Variants in CTBP1 observed in about 807,000 individuals in gnomAD.
CTBP1 encodes the protein C-terminal-binding protein 1.
CTBP1 carries 11 observed loss-of-function variants against 42.1 expected under a neutral mutation model. The ratio of observed to expected loss-of-function variants is 0.26; its 90% confidence interval spans 0.16 to 0.43. The LOEUF is 0.43. Among genes scored for constraint, CTBP1 ranks in the 20% least tolerant of loss-of-function variants. The probability of loss-of-function intolerance (pLI) is 1.00; values close to 1 mark genes in which losing one functional copy is unlikely to be tolerated. For synonymous variants in CTBP1, 324 were observed against 277.1 expected (o/e 1.17, Z -1.68); for missense variants, 399 against 624.3 (o/e 0.64, Z 3.85).
chr4:1,241,180 C>T, intron 2 of CTBP1, 145 bp downstream of exon 2: 1 of 749,722 alleles, frequency 1.3e-6, no homozygotes, highest in Non-Finnish European at 2.4e-6. Flanking sequence ...GCCCAGAGCA[C>T]ACCGGGGGTC....
chr4:1,242,105 C>CA (rs896681544), intron 1 of CTBP1: 7 of 985,268 alleles, frequency 7.1e-6, no homozygotes, highest in Non-Finnish European at 1.2e-6. Context: ...TCAATTCTCC[C>CA]AAAAAAACTG....
At chr4:1,229,735 C>T (rs531564527) in intron 3 of CTBP1, among the ~76,000 whole-genome samples, 232 of 152,284 alleles carry the variant, frequency 1.5e-3, no homozygotes, top group African/African-American at 5.2e-3. Flanking sequence ...CCCAGGAAGA[C>T]GCTCACCACC....
At chr4:1,223,845 G>C (rs927525064) in intron 5 of CTBP1, among the ~76,000 whole-genome samples, 4 of 152,204 alleles carry the variant, frequency 2.6e-5, no homozygotes, top group African/African-American at 4.8e-5. Context: ...ACATGCACAC[G>C]CTTGCCGCTC....
At position 1,224,718 on chromosome 4, in the gene CTBP1, G is replaced by T. The variant is rs770568637; in HGVS notation, c.514+642C>A. ...GACCCATGGGTGTGTTGTGATATCTGTGTGAGGCTGTGTGCTGTGACATCT... is the reference window on the plus strand; with the variant it reads ...GACCCATGGGTGTGTTGTGATATCTTTGTGAGGCTGTGTGCTGTGACATCT... On this transcript the variant is annotated intron_variant, in intron 5 of 9. Transcript: ENST00000382952. 1.3e-3 allele frequency among the ~76,000 whole-genome samples: 196 copies of T among 151,372 alleles called. 7 individuals are homozygous for T. The highest frequency in any genetic ancestry group is 4.3e-4 in the Non-Finnish European group (29 of 67,804).
chr4:1,225,740 G>A (rs1017981334), intron 4 of CTBP1, among the ~76,000 whole-genome samples, 174 bp from the exon 5 acceptor site: 4 of 152,152 alleles, frequency 2.6e-5, no homozygotes, highest in African/African-American at 7.2e-5. Context: ...CAGGTCGGGC[G>A]CAACAGAGCA....
At chr4:1,237,474 C>T (rs1243211172) in intron 3 of CTBP1, 6 of 683,506 alleles carry the variant, frequency 8.8e-6, no homozygotes, top group Non-Finnish European at 1.3e-5. Flanking sequence ...CCGGTGTTCA[C>T]CTCCTGATGG....
chr4:1,248,726 C>G (rs1416390914), intron 1 of CTBP1, 190 bp downstream of exon 1: 3 of 981,426 alleles, frequency 3.1e-6, no homozygotes, highest in Admixed American at 1.3e-4. Flanking sequence ...CCCGCGCATG[C>G]GCAAGACCCT....
Position 1,213,050 on chromosome 4 carries a change from G to A in CTBP1, c.989-20C>T. On this transcript the variant is annotated intron_variant, in intron 8 of 9. Transcript: ENST00000382952. The stretch of plus-strand genomic sequence containing the variant: ...TCCGGCCTGGGAGATGCAGGAGGAA[G>A]GAACAGCTGTGGCTCTGAGGGGGCC... 1 of 1,610,162 alleles carries A rather than the reference G, an allele frequency of 6.2e-7. No individual in the cohort carries two copies. The highest frequency in any genetic ancestry group is 8.5e-7 in the Non-Finnish European group (1 of 1,177,196).
At chr4:1,239,023 T>C (rs1175252915) in intron 2 of CTBP1, among the ~76,000 whole-genome samples, 1 of 152,192 alleles carries the variant, frequency 6.6e-6, no homozygotes, top group African/African-American at 2.4e-5. Context: ...TGCCTGGCAT[T>C]ACTTCCAATT....
intron 1 of CTBP1, among the ~76,000 whole-genome samples, chr4:1,248,075 AAG>A (rs966071983): frequency 2.2e-4 from 33 of 152,230 alleles, no homozygotes; most frequent in African/African-American, 7.5e-4. Flanking sequence ...GGTCGAGGGA[AAG>A]AGAGGCTCCG....
intron 5 of CTBP1, chr4:1,223,530 G>T (rs931885143): frequency 2.2e-6 from 1 of 455,382 alleles, no homozygotes; most frequent in Non-Finnish European, 4.4e-6. Context: ...TTTGGGAAGC[G>T]GGGGGCCGGC....
chr4:1,212,818 T>G (rs947481530), intron 9 of CTBP1, 95 bp downstream of exon 9: 3 of 1,056,500 alleles, frequency 2.8e-6, no homozygotes, highest in African/African-American at 1.6e-5. Context: ...GGTCAGTCAG[T>G]GGAGACGCCG....
chr4:1,219,669 A>G (rs911574905), intron 5 of CTBP1, among the ~76,000 whole-genome samples: 2 of 152,254 alleles, frequency 1.3e-5, no homozygotes, highest in African/African-American at 2.4e-5. Context: ...TTATCTGCAG[A>G]TGACACAGCA....
chr4:1,245,337 C>T (rs1320619856), intron 1 of CTBP1: 9 of 985,346 alleles, frequency 9.1e-6, no homozygotes, highest in African/African-American at 3.5e-5. Context: ...TCAGCGAGCA[C>T]ATGCACACAA....
At chr4:1,246,675 A>C (rs1236795615) in intron 1 of CTBP1, among the ~76,000 whole-genome samples, 1 of 152,146 alleles carries the variant, frequency 6.6e-6, no homozygotes, top group African/African-American at 2.4e-5. Flanking sequence ...GGAAGTTGAG[A>C]GGGCAAGTGA....
intron 1 of CTBP1, 164 bp downstream of exon 1, chr4:1,248,752 C>T (rs1482403234): frequency 2.0e-6 from 2 of 979,572 alleles, no homozygotes; most frequent in South Asian, 4.7e-5. Context: ...CGGTCCCGCC[C>T]CCGACCGCGG....
At chr4:1,213,086 G>C in intron 8 of CTBP1, 56 bp from the exon 9 acceptor site, 1 of 1,451,786 alleles carries the variant, frequency 6.9e-7, no homozygotes. Context: ...CCAGGAGCGT[G>C]GCCCACTGGG....
chr4:1,248,573 G>T, intron 1 of CTBP1: 1 of 587,144 alleles, frequency 1.7e-6, no homozygotes. Flanking sequence ...GGGACCCGGG[G>T]TGCCGTCCCG....
chr4:1,213,143 C>T, intron 8 of CTBP1, 113 bp from the exon 9 acceptor site: 2 of 968,278 alleles, frequency 2.1e-6, no homozygotes, highest in Non-Finnish European at 3.2e-6. Context: ...TCCTCCCTCT[C>T]AGCCCCGGGG....
Sources: allele counts gnomAD v4.1 joint callset (sites outside exome capture counted in the v4.1 genomes callset), GRCh38; gene constraint gnomAD v4.1.1; transcripts MANE v1.5; gene names NCBI Gene and HGNC (gene_info 2026-07-23, HGNC 2026-07-21).